The following PDE3A variants were observed in gnomAD, a reference collection of about 807,000 sequenced individuals.
The protein encoded by PDE3A is phosphodiesterase 3A.
PDE3A carries 43 observed loss-of-function variants against 98.3 expected under a neutral mutation model. That is an observed-to-expected ratio of 0.44 (90% CI 0.34 to 0.56). The LOEUF (loss-of-function observed/expected upper bound fraction) is 0.56, where lower values mean the gene tolerates loss of function less well. Ranked by LOEUF, PDE3A falls within the 20% of genes least tolerant of loss-of-function variation. PDE3A has a pLI of 0.01. For missense variants in PDE3A, 1,427 were observed against 1,440.7 expected, an observed-to-expected ratio of 0.99 and a Z score of 0.15; for synonymous variants, 663 against 567.9, an observed-to-expected ratio of 1.17 and a Z score of -2.38.
At chr12:20,605,604 T>G (rs1300011280) in intron 2 of PDE3A, among the ~76,000 whole-genome samples, 1 of 152,168 alleles carries the variant, frequency 6.6e-6, no homozygotes, top group Non-Finnish European at 1.5e-5. Flanking sequence ...TTCTCTGATT[T>G]CAGAGGAAAA....
intron 1 of PDE3A, among the ~76,000 whole-genome samples, chr12:20,451,245 C>T (rs1367877178): frequency 6.6e-6 from 1 of 152,112 alleles, no homozygotes; most frequent in Non-Finnish European, 1.5e-5. Flanking sequence ...GTTTTCCTAA[C>T]TATTCAGTTA....
rs534202418 is a variant in PDE3A at position 20,664,540 on chromosome 12, A to G, written c.3184+10335A>G. Among the ~76,000 whole-genome samples, 60 of 152,246 alleles carry G rather than the reference A, an allele frequency of 3.9e-4. 1 individual carries two copies. Among genetic ancestry groups the G allele is most frequent in the South Asian group, 2.9e-3 (14 of 4,816 alleles). On this transcript the variant is annotated intron_variant, in intron 15 of 15. Coordinates refer to ENST00000359062, the MANE Select transcript of PDE3A (RefSeq NM_000921.5). ...AATCTCATTTTGAATTGTAGCTCCA[A>G]TAATTCTCATGTGTTGTGGAAAGGA...
chr12:20,642,955 A>G (rs1204353462), intron 10 of PDE3A, among the ~76,000 whole-genome samples: 1 of 152,236 alleles, frequency 6.6e-6, no homozygotes, highest in Non-Finnish European at 1.5e-5. Flanking sequence ...AAAATCTGTG[A>G]ATTTACATAC....
rs1220682045 is a variant in PDE3A at position 20,686,310 on chromosome 12, G to C, written c.*6039G>C. Among the ~76,000 whole-genome samples the C allele has an allele frequency of 6.6e-6, 1 of 151,986 alleles. No individual in the cohort carries two copies. The highest frequency in any genetic ancestry group is 2.4e-5 in the African/African-American group (1 of 41,392). The stretch of plus-strand genomic sequence containing the variant: ...GTATTATCCAGCAATTTATTGTTTT[G>C]TGTTGTTATAAAATAAATGTTCTAT... On this transcript the variant is annotated 3_prime_UTR_variant, in exon 16 of 16. Coordinates refer to ENST00000359062, the MANE Select transcript of PDE3A (RefSeq NM_000921.5).
intron 1 of PDE3A, among the ~76,000 whole-genome samples, chr12:20,481,015 G>A (rs550559623): frequency 1.2e-4 from 19 of 152,304 alleles, no homozygotes; most frequent in African/African-American, 4.6e-4. Context: ...GCCAGTTTAT[G>A]CCACTTTTCC....
chr12:20,425,099 A>G (rs1944581845), intron 1 of PDE3A, among the ~76,000 whole-genome samples: 1 of 152,222 alleles, frequency 6.6e-6, no homozygotes, highest in Non-Finnish European at 1.5e-5. Context: ...TTGCATTTGC[A>G]GGAACACACA....
In PDE3A at chr12:20,688,010, T is replaced by C. The variant is rs532925166; in HGVS notation, c.*7739T>C. Among the ~76,000 whole-genome samples, 1 of 151,692 alleles carries C rather than the reference T, an allele frequency of 6.6e-6. No individual in the cohort carries two copies. Among genetic ancestry groups the C allele is most frequent in the Non-Finnish European group, 1.5e-5 (1 of 67,908 alleles). On this transcript the variant is annotated 3_prime_UTR_variant, in exon 16 of 16. Coordinates refer to ENST00000359062, the MANE Select transcript of PDE3A (RefSeq NM_000921.5). Reference sequence around the variant, plus strand: ...AAGGATATTTGTAAACCAGAGAGTATTTAATTAACTAAATTTACTGTTTCT... The same window carrying C: ...AAGGATATTTGTAAACCAGAGAGTACTTAATTAACTAAATTTACTGTTTCT...
chr12:20,464,896 A>C (rs1249568424), intron 1 of PDE3A, among the ~76,000 whole-genome samples: 3 of 152,162 alleles, frequency 2.0e-5, no homozygotes, highest in Non-Finnish European at 4.4e-5. Flanking sequence ...TTTAGGATAA[A>C]CATTCTCACC....
At chr12:20,635,768 A>AG (rs1435503607) in intron 8 of PDE3A, among the ~76,000 whole-genome samples, 9 of 151,654 alleles carry the variant, frequency 5.9e-5, no homozygotes, top group East Asian at 1.9e-4. Flanking sequence ...AAAAAAAAAA[A>AG]AAAGAAATTA....
intron 1 of PDE3A, among the ~76,000 whole-genome samples, chr12:20,485,315 T>G (rs558015018): frequency 6.7e-6 from 1 of 149,690 alleles, no homozygotes; most frequent in African/African-American, 2.4e-5. Flanking sequence ...AAATTTCTTT[T>G]TTATAAAGAC....
intron 6 of PDE3A, among the ~76,000 whole-genome samples, chr12:20,632,888 AGTTCT>A (rs1227437375): frequency 6.6e-6 from 1 of 151,828 alleles, no homozygotes; most frequent in Non-Finnish European, 1.5e-5. Flanking sequence ...GCTGTCTTAA[AGTTCT>A]GTTTAGACAT....
chr12:20,403,887 G>A (rs914976261), intron 1 of PDE3A, among the ~76,000 whole-genome samples: 1 of 151,936 alleles, frequency 6.6e-6, no homozygotes, highest in Non-Finnish European at 1.5e-5. Flanking sequence ...TATGTATCTT[G>A]AGAGACGTTA....
chr12:20,554,233 T>C (rs2121263520), intron 1 of PDE3A, among the ~76,000 whole-genome samples: 1 of 151,912 alleles, frequency 6.6e-6, no homozygotes, highest in East Asian at 1.9e-4. Flanking sequence ...AAAGGGTTTT[T>C]TTTCACCTCC....
intron 1 of PDE3A, among the ~76,000 whole-genome samples, chr12:20,390,440 C>T (rs1187566332): frequency 7.9e-6 from 1 of 126,194 alleles, no homozygotes; most frequent in Non-Finnish European, 1.6e-5. Context: ...TAGTGGTGGG[C>T]AGGAAAGGTG....
intron 1 of PDE3A, among the ~76,000 whole-genome samples, chr12:20,477,141 T>G (rs768058446): frequency 9.2e-5 from 14 of 152,190 alleles, no homozygotes; most frequent in African/African-American, 2.7e-4. Flanking sequence ...CACTTTCTTA[T>G]TGCTAGAGTA....
At chr12:20,631,468 C>T (rs1307727671) in intron 6 of PDE3A, among the ~76,000 whole-genome samples, 1 of 152,076 alleles carries the variant, frequency 6.6e-6, no homozygotes, top group Non-Finnish European at 1.5e-5. Context: ...AAGAATTGCC[C>T]ATGGATCGAA....
chr12:20,478,637 A>G (rs987762646), intron 1 of PDE3A, among the ~76,000 whole-genome samples: 3 of 152,228 alleles, frequency 2.0e-5, no homozygotes, highest in Non-Finnish European at 4.4e-5. Flanking sequence ...TTTACTGTAA[A>G]TGTAAACTTT....
intron 2 of PDE3A, among the ~76,000 whole-genome samples, chr12:20,587,654 T>C (rs1943227730): frequency 6.6e-6 from 1 of 152,222 alleles, no homozygotes; most frequent in Non-Finnish European, 1.5e-5. Flanking sequence ...AATATATAAA[T>C]GTACATCTAA....
chr12:20,532,375 T>A (rs1941626225), intron 1 of PDE3A, among the ~76,000 whole-genome samples: 1 of 152,070 alleles, frequency 6.6e-6, no homozygotes, highest in South Asian at 2.1e-4. Flanking sequence ...GCAATTATTT[T>A]ATATTTATGT....
Sources: gnomAD v4.1 joint callset for allele counts (sites outside exome capture counted in the v4.1 genomes callset) on GRCh38, gnomAD v4.1.1 for gene constraint, MANE v1.5 for transcripts, NCBI Gene and HGNC (gene_info 2026-07-23, HGNC 2026-07-21) for gene names.